Variants in CFAP47 observed in about 807,000 individuals in gnomAD.
CFAP47 encodes cilia and flagella associated protein 47, also known as cilia- and flagella-associated protein 47.
A neutral mutation model predicts 148.1 loss-of-function variants in CFAP47; 29 were observed. The observed-to-expected ratio is 0.20, with a 90% CI of 0.15 to 0.27. CFAP47 has a LOEUF of 0.27. Ranked by LOEUF, CFAP47 falls within the 10% of genes least tolerant of loss-of-function variation. CFAP47 has a pLI of 1.00. For synonymous variants in CFAP47, 664 were observed against 577.3 expected (o/e 1.15, Z -2.15); for missense variants, 1,872 against 1,697.5 (o/e 1.10, Z -1.81).
chrX:36,134,655 G>A (rs1419860054), intron 33 of CFAP47, among the ~76,000 whole-genome samples: 2 of 111,095 alleles, frequency 1.8e-5, no homozygotes, highest in African/African-American at 6.5e-5. Flanking sequence ...AGATCTAAAT[G>A]TAAACCCACA....
At chrX:36,088,110 C>T (rs190037516) in intron 30 of CFAP47, among the ~76,000 whole-genome samples, 57 of 111,439 alleles carry the variant, frequency 5.1e-4, no homozygotes, top group African/African-American at 1.7e-3. Context: ...CATCATTTTA[C>T]ATTAGTTATC....
At chrX:36,201,029 G>A (rs187551307) in intron 43 of CFAP47, among the ~76,000 whole-genome samples, 1 of 110,631 alleles carries the variant, frequency 9.0e-6, no homozygotes, top group East Asian at 2.9e-4. Flanking sequence ...TGTTGATGAC[G>A]TTTATATGGA....
At chrX:36,364,943 T>TACAC (rs1556019960) in intron 61 of CFAP47, among the ~76,000 whole-genome samples, 37 of 73,571 alleles carry the variant, frequency 5.0e-4, no homozygotes, top group African/African-American at 1.6e-3. Context: ...TATATATATA[T>TACAC]ACACACACAC....
At chrX:36,350,575 G>A (rs1183082953) in intron 59 of CFAP47, among the ~76,000 whole-genome samples, 18 of 111,246 alleles carry the variant, frequency 1.6e-4, no homozygotes, top group Non-Finnish European at 2.6e-4. Flanking sequence ...CCCCAAACCA[G>A]TCAGAATGTA....
rs770422631 is a variant in CFAP47 at position 36,052,213 on chromosome X, C to A, written c.4217+5150C>A. 1.1e-4 allele frequency among the ~76,000 whole-genome samples: 12 copies of A among 111,958 alleles called. No homozygotes were observed. In the East Asian group the frequency reaches 3.1e-3, roughly 29 times the overall value. The stretch of plus-strand genomic sequence containing the variant: ...TTGGCACAGAAACTCCTGGAAAGTA[C>A]CTGATTTAGTTGTCCACTCAAAGCC... On this transcript the variant is annotated intron_variant, in intron 26 of 63. Transcript: ENST00000378653.
rs999327570 is a variant in CFAP47, at chrX:36,176,160, C to T, written c.6027-3185C>T. Reference sequence around the variant, plus strand: ...GGCAATGCCTCACCCTGCTTCGGCTCGTGCATGGTGTGCGCACCCACTGAC... The same window carrying T: ...GGCAATGCCTCACCCTGCTTCGGCTTGTGCATGGTGTGCGCACCCACTGAC... On this transcript the variant is annotated intron_variant, in intron 39 of 63. Transcript: ENST00000378653. 8.0e-5 allele frequency among the ~76,000 whole-genome samples: 9 copies of T among 112,962 alleles called. No individual in the cohort carries two copies. In the East Asian group the frequency reaches 8.4e-4, roughly 11 times the overall value.
At chrX:36,371,718 A>ATATACACACATGTGTATATATGTGTGTG (rs1941948932) in intron 62 of CFAP47, among the ~76,000 whole-genome samples, 1 of 63,091 alleles carries the variant, frequency 1.6e-5, no homozygotes, top group Non-Finnish European at 2.8e-5. Flanking sequence ...ATATGTGTGT[A>ATATACACACATGTGTATATATGTGTGTG]TATACACACA....
chrX:35,924,074 TATATGTAC>T (rs1232262850), intron 1 of CFAP47, among the ~76,000 whole-genome samples: 3 of 97,346 alleles, frequency 3.1e-5, no homozygotes, highest in Non-Finnish European at 4.1e-5. Context: ...CATATATGTA[TATATGTAC>T]ATGTATGCGT....
At chrX:36,241,995 C>T (rs1268184922) in intron 48 of CFAP47, among the ~76,000 whole-genome samples, 5 of 111,764 alleles carry the variant, frequency 4.5e-5, no homozygotes, top group Non-Finnish European at 7.5e-5. Context: ...AAAAGAGTCA[C>T]GTGGCTGTGT....
At chrX:36,213,937 C>T (rs1224374456) in intron 45 of CFAP47, among the ~76,000 whole-genome samples, 1 of 111,748 alleles carries the variant, frequency 8.9e-6, no homozygotes, top group Non-Finnish European at 1.9e-5. Context: ...GGAGGTAAAG[C>T]AATGCATGAT....
rs1941068439 is a variant in CFAP47 at position 36,280,621 on chromosome X, G to A, written c.7579G>A (p.Ala2527Thr). The A allele has an allele frequency of 2.1e-6, 1 of 473,516 alleles. No individual in the cohort carries two copies. Among genetic ancestry groups the A allele is most frequent in the Non-Finnish European group, 3.7e-6 (1 of 267,743 alleles). 39.0% of individuals were successfully genotyped at this position (473,516 alleles called of 1,213,427 possible). A position where few individuals can be genotyped will look rare whatever the true frequency, so the allele number is the denominator to read the frequency against. ...AGAACAATCTAGCATTTTGGATGAT[G>A]CAGACACATGTAAGTTTATTATGAC... Reference protein sequence around the residue: ...ITEQSSILDDADTYGNFNNLR... With the variant: ...ITEQSSILDDTDTYGNFNNLR... Residue 2527 changes from alanine (A) to threonine (T), a missense_variant, in exon 50 of 64, where the codon GCA becomes ACA. Physicochemically the swap from Ala to Thr is moderately conservative, Grantham distance 58. Transcript: ENST00000378653.
intron 33 of CFAP47, among the ~76,000 whole-genome samples, chrX:36,128,478 G>T (rs772496618): frequency 9.0e-6 from 1 of 110,793 alleles, no homozygotes; most frequent in African/African-American, 3.3e-5. Flanking sequence ...TGTAAATTTG[G>T]CATATAAGAT....
At chrX:36,122,141 G>T (rs1392799937) in intron 33 of CFAP47, among the ~76,000 whole-genome samples, 1 of 110,895 alleles carries the variant, frequency 9.0e-6, no homozygotes. Flanking sequence ...TGGCCTATAA[G>T]GTTTCTGCTG....
At chrX:36,058,531 C>T (rs1937571487) in intron 26 of CFAP47, among the ~76,000 whole-genome samples, 1 of 111,204 alleles carries the variant, frequency 9.0e-6, no homozygotes, top group Non-Finnish European at 1.9e-5. Context: ...ATTTTACTGA[C>T]CTCTCATTTG....
chrX:36,205,783 G>A (rs1940032577), intron 45 of CFAP47, among the ~76,000 whole-genome samples: 1 of 111,760 alleles, frequency 8.9e-6, no homozygotes, highest in South Asian at 3.7e-4. Flanking sequence ...TCAAACAACT[G>A]GATAATAGTA....
At chrX:36,000,749 A>G (rs894764968) in intron 20 of CFAP47, among the ~76,000 whole-genome samples, 2 of 111,841 alleles carry the variant, frequency 1.8e-5, no homozygotes, top group African/African-American at 6.5e-5. Context: ...TAATTGCTCA[A>G]TAATTTTAGA....
In CFAP47 at chrX:36,231,587, A is replaced by T. The variant is rs185243066; in HGVS notation, c.7014+2763A>T. On this transcript the variant is annotated intron_variant, in intron 46 of 63. Transcript: ENST00000378653. The stretch of plus-strand genomic sequence containing the variant: ...GGACAATTTGACTTCCTCTTTTCCT[A>T]ATTGAATACCCTTTATTTCCTTCTC... Among the ~76,000 whole-genome samples the T allele has an allele frequency of 5.8e-3, 639 of 110,774 alleles. 7 individuals carry two copies. Among genetic ancestry groups the T allele is most frequent in the African/African-American group, 0.019 (587 of 30,415 alleles).
intron 57 of CFAP47, among the ~76,000 whole-genome samples, chrX:36,330,476 T>C (rs1556013865): frequency 1.8e-5 from 2 of 112,053 alleles, no homozygotes; most frequent in African/African-American, 6.5e-5. Flanking sequence ...TCTCAACTTG[T>C]ATATTATCAC....
chrX:36,192,090 G>A (rs12014468), intron 42 of CFAP47, among the ~76,000 whole-genome samples: 2 of 110,594 alleles, frequency 1.8e-5, no homozygotes, highest in Non-Finnish European at 3.8e-5. Flanking sequence ...ACACTGTTAC[G>A]AAGCAAAGAC....
Sources: gnomAD v4.1 joint callset for allele counts (sites outside exome capture counted in the v4.1 genomes callset) on GRCh38, gnomAD v4.1.1 for gene constraint, MANE v1.5 for transcripts, NCBI Gene and HGNC (gene_info 2026-07-23, HGNC 2026-07-21) for gene names.